The following WWTR1 variants were observed in gnomAD, a reference collection of about 807,000 sequenced individuals.
The protein encoded by WWTR1 is WW domain-containing transcription regulator protein 1.
In WWTR1, 13 loss-of-function variants were observed where a neutral mutation model predicts 40.1. The ratio of observed to expected loss-of-function variants is 0.32; its 90% CI spans 0.21 to 0.52. The LOEUF (loss-of-function observed/expected upper bound fraction) is 0.52. Ranked by LOEUF, WWTR1 falls within the 20% of genes least tolerant of loss-of-function variation. The pLI is 0.97. For missense variants in WWTR1, 436 were observed against 523.1 expected (o/e 0.83, Z 1.63); for synonymous variants, 230 against 210.1 (o/e 1.09, Z -0.82).
intron 2 of WWTR1, among the ~76,000 whole-genome samples, chr3:149,614,668 T>A (rs1739882659): frequency 6.6e-6 from 1 of 152,180 alleles, no homozygotes; most frequent in Non-Finnish European, 1.5e-5. Context: ...AATATGAACA[T>A]CTTTCAAAAG....
intron 3 of WWTR1, among the ~76,000 whole-genome samples, chr3:149,562,992 C>G (rs1351033610): frequency 6.6e-6 from 1 of 152,070 alleles, no homozygotes; most frequent in East Asian, 1.9e-4. Context: ...GAACAAGTGG[C>G]TGAATGACAA....
intron 2 of WWTR1, among the ~76,000 whole-genome samples, chr3:149,665,104 T>C (rs1713754682): frequency 6.6e-6 from 1 of 152,222 alleles, no homozygotes; most frequent in South Asian, 2.1e-4. Context: ...AAAATAAAAA[T>C]ACACTTTTGA....
intron 3 of WWTR1, among the ~76,000 whole-genome samples, chr3:149,571,221 T>A (rs1027851441): frequency 2.5e-5 from 3 of 117,962 alleles, no homozygotes; most frequent in African/African-American, 2.6e-5. Flanking sequence ...TTTCTTTTTT[T>A]TTTTTTTTTT....
At chr3:149,597,147 T>C (rs1219142848) in intron 2 of WWTR1, among the ~76,000 whole-genome samples, 1 of 152,204 alleles carries the variant, frequency 6.6e-6, no homozygotes. Flanking sequence ...CAATAACTGT[T>C]AGGTAAACAG....
chr3:149,679,632 G>T (rs1714387992), intron 1 of WWTR1, among the ~76,000 whole-genome samples: 1 of 149,026 alleles, frequency 6.7e-6, no homozygotes, highest in African/African-American at 2.5e-5. Flanking sequence ...AAAGAGAACA[G>T]ATGGAATGGT....
At chr3:149,639,093 G>A (rs539760546) in intron 2 of WWTR1, among the ~76,000 whole-genome samples, 2 of 152,264 alleles carry the variant, frequency 1.3e-5, no homozygotes, top group South Asian at 2.1e-4. Flanking sequence ...TTTCAAGGCA[G>A]CCCATTCCAA....
At chr3:149,565,135 C>T (rs1265658299) in intron 3 of WWTR1, among the ~76,000 whole-genome samples, 3 of 151,626 alleles carry the variant, frequency 2.0e-5, no homozygotes, top group South Asian at 2.1e-4. Flanking sequence ...TGCAGTGAGC[C>T]GAGATCACAC....
intron 2 of WWTR1, among the ~76,000 whole-genome samples, chr3:149,667,520 C>A (rs1480120418): frequency 6.6e-6 from 1 of 150,712 alleles, no homozygotes; most frequent in Non-Finnish European, 1.5e-5. Flanking sequence ...TGCATTCCAG[C>A]CTGGGCGACA....
At chr3:149,696,765 C>T (rs990480584) in intron 1 of WWTR1, among the ~76,000 whole-genome samples, 1 of 152,124 alleles carries the variant, frequency 6.6e-6, no homozygotes, top group African/African-American at 2.4e-5. Flanking sequence ...ATTCTCCATC[C>T]CATAGTTAGA....
At chr3:149,665,360 G>A (rs1576631790) in intron 2 of WWTR1, among the ~76,000 whole-genome samples, 2 of 151,590 alleles carry the variant, frequency 1.3e-5, no homozygotes, top group African/African-American at 4.8e-5. Context: ...CAAGTAGCTG[G>A]GATTACAGGA....
chr3:149,663,673 GCAA>G (rs1360461997), intron 2 of WWTR1, among the ~76,000 whole-genome samples: 4 of 152,132 alleles, frequency 2.6e-5, no homozygotes, highest in Admixed American at 6.5e-5. Flanking sequence ...TCCAGCCTGT[GCAA>G]CAGAGCGAGA....
chr3:149,631,530 A>G (rs954006617), intron 2 of WWTR1, among the ~76,000 whole-genome samples: 4 of 152,218 alleles, frequency 2.6e-5, no homozygotes, highest in African/African-American at 9.6e-5. Context: ...TGGATATTCA[A>G]TAACCATAAG....
At chr3:149,701,580 TATAAC>T (rs1280464119) in intron 1 of WWTR1, 53 of 178,856 alleles carry the variant, frequency 3.0e-4, no homozygotes, top group African/African-American at 1.2e-3. Context: ...TCTTTACAAA[TATAAC>T]ATGATAAAAT....
rs1712789552 is a variant in WWTR1, at chr3:149,650,280, CCA to C, written c.431+6594_431+6595del. 2.0e-5 allele frequency: 3 copies of C among 152,298 alleles called. No individual in the cohort carries two copies. The South Asian group carries it at 6.2e-4, about 32-fold the overall frequency. The allele number at this position is 152,298 out of a possible 1,614,324, so 9.4% of individuals were successfully genotyped here. On this transcript the variant is annotated intron_variant, in intron 2 of 6. Transcript: ENST00000360632. ...CATAATTACAAGACCTAATTATGGG[CCA>C]CACAATTGGCATGAGACAGCATGGC...
intron 1 of WWTR1, among the ~76,000 whole-genome samples, chr3:149,691,833 G>A (rs34669213): frequency 0.15 from 22,734 of 151,978 alleles, 2,030 homozygotes; most frequent in Admixed American, 0.27. Flanking sequence ...TGGCCAACAC[G>A]GTGAAACCCC....
chr3:149,642,497 C>T (rs1178041433), intron 2 of WWTR1, among the ~76,000 whole-genome samples: 1 of 151,878 alleles, frequency 6.6e-6, no homozygotes, highest in Non-Finnish European at 1.5e-5. Context: ...GAAATCCGGC[C>T]GGGCACGGTG....
At chr3:149,582,192 C>A (rs1738178697) in intron 2 of WWTR1, among the ~76,000 whole-genome samples, 1 of 151,986 alleles carries the variant, frequency 6.6e-6, no homozygotes, top group Non-Finnish European at 1.5e-5. Context: ...ACCCCAACAG[C>A]ACCCGGCCCT....
chr3:149,619,267 C>T (rs1001519019), intron 2 of WWTR1, among the ~76,000 whole-genome samples: 17 of 152,152 alleles, frequency 1.1e-4, no homozygotes, highest in African/African-American at 3.1e-4. Flanking sequence ...TTCCCCTCCC[C>T]TTCCAACTCT....
chr3:149,707,602 A>G (rs1715364365), upstream of WWTR1, among the ~76,000 whole-genome samples: 1 of 152,170 alleles, frequency 6.6e-6, no homozygotes, highest in South Asian at 2.1e-4. Context: ...TCCCTTTCCC[A>G]GAACACTCTG....
Sources: gnomAD v4.1 joint callset for allele counts (sites outside exome capture counted in the v4.1 genomes callset) on GRCh38, gnomAD v4.1.1 for gene constraint, MANE v1.5 for transcripts, NCBI Gene and HGNC (gene_info 2026-07-23, HGNC 2026-07-21) for gene names.